The following ZYG11B variants were observed in gnomAD, a reference collection of about 807,000 sequenced individuals.
ZYG11B encodes protein zyg-11 homolog B.
ZYG11B carries 36 observed loss-of-function variants against 82.4 expected under a neutral mutation model. That is an observed-to-expected ratio of 0.44 (90% CI 0.33 to 0.58). The LOEUF is 0.58. Among genes scored for constraint, ZYG11B ranks in the 20% least tolerant of loss-of-function variants. The pLI is 0.02. For synonymous variants in ZYG11B, 303 were observed against 312.8 expected (o/e 0.97, Z 0.33); for missense variants, 552 against 895.6 (o/e 0.62, Z 4.90).
At chr1:52,817,777 G>GTGTATGTATATATA (rs1352242565) in intron 13 of ZYG11B, among the ~76,000 whole-genome samples, 3 of 41,542 alleles carry the variant, frequency 7.2e-5, no homozygotes, top group African/African-American at 3.7e-4. Context: ...ATATATATGT[G>GTGTATGTATATATA]TATATATATA....
chr1:52,816,638 CAA>C lies in ZYG11B; in HGVS notation c.2044+17_2044+18del. 2.6e-6 allele frequency: 4 copies of C among 1,545,448 alleles called. No individual in the cohort carries two copies. The highest frequency in any genetic ancestry group is 3.5e-6 in the Non-Finnish European group (4 of 1,138,062). ...TGTCTGCAGCAAGAATCGTATGTAC[CAA>C]AAAAAAAGAACTGTGTTTTTTTTCT... On this transcript the variant is annotated intron_variant, in intron 13 of 13. Transcript: ENST00000294353.
At chr1:52,774,773 C>A (rs377667806) in intron 3 of ZYG11B, among the ~76,000 whole-genome samples, 41 of 151,948 alleles carry the variant, frequency 2.7e-4, no homozygotes, top group Admixed American at 8.5e-4. Flanking sequence ...CAGTATTTCC[C>A]CACTCGATTT....
intron 1 of ZYG11B, among the ~76,000 whole-genome samples, chr1:52,743,603 A>G (rs1266700287): frequency 6.6e-6 from 1 of 152,040 alleles, no homozygotes; most frequent in African/African-American, 2.4e-5. Flanking sequence ...AGTCCCACGT[A>G]TTATTCCAAA....
intron 3 of ZYG11B, among the ~76,000 whole-genome samples, chr1:52,774,152 TC>T (rs970640181): frequency 6.9e-6 from 1 of 144,488 alleles, no homozygotes; most frequent in East Asian, 2.1e-4. Context: ...TTTTTTTTTT[TC>T]CTCAGAGGCA....
At chr1:52,737,082 A>G (rs371884243) in intron 1 of ZYG11B, among the ~76,000 whole-genome samples, 33 of 151,596 alleles carry the variant, frequency 2.2e-4, no homozygotes, top group African/African-American at 7.5e-4. Flanking sequence ...GGGTTTCACC[A>G]TGTTAGCCAG....
chr1:52,740,382 T>TA, intron 1 of ZYG11B, among the ~76,000 whole-genome samples: 1 of 152,304 alleles, frequency 6.6e-6, no homozygotes, highest in Non-Finnish European at 1.5e-5. Context: ...CTTAAAGTGA[T>TA]ATGTGCAAGA....
intron 1 of ZYG11B, among the ~76,000 whole-genome samples, chr1:52,741,534 G>A (rs1297926698): frequency 6.6e-6 from 1 of 152,078 alleles, no homozygotes; most frequent in Non-Finnish European, 1.5e-5. Context: ...TTTCTCTAGA[G>A]GCAAATGTGT....
At chr1:52,737,153 A>G (rs969720104) in intron 1 of ZYG11B, among the ~76,000 whole-genome samples, 2 of 152,158 alleles carry the variant, frequency 1.3e-5, no homozygotes, top group Non-Finnish European at 1.5e-5. Context: ...AAGTGCTGGC[A>G]TTACAGGCGT....
At chr1:52,773,485 A>G (rs1644772667) in intron 3 of ZYG11B, among the ~76,000 whole-genome samples, 1 of 149,508 alleles carries the variant, frequency 6.7e-6, no homozygotes, top group Non-Finnish European at 1.5e-5. Flanking sequence ...GAAAAAAAAA[A>G]AAAAGAAAAT....
intron 6 of ZYG11B, among the ~76,000 whole-genome samples, chr1:52,790,773 C>CT: frequency 0.042 from 3,260 of 77,632 alleles, 288 homozygotes; most frequent in African/African-American, 0.14. Context: ...GTCCAGTGTT[C>CT]TTTTTTTTTT....
In ZYG11B at chr1:52,783,650, C is replaced by G. The variant is rs534222838; in HGVS notation, c.1093-1227C>G. ...TTTCTCTTTTCCTTAGAGGCAGGGT[C>G]TCACTCTGTCCCCCAGGCAGAAGTG... On this transcript the variant is annotated intron_variant, in intron 4 of 13. Transcript: ENST00000294353. 2.9e-3 allele frequency among the ~76,000 whole-genome samples: 408 copies of G among 142,236 alleles called. 3 individuals are homozygous for G. The highest frequency in any genetic ancestry group is 0.01 in the African/African-American group (388 of 38,160). 93.3% of individuals were successfully genotyped at this position (142,236 alleles called of 152,430 possible). A position where few individuals can be genotyped will look rare whatever the true frequency, so the allele number is the denominator to read the frequency against.
intron 10 of ZYG11B, 92 bp downstream of exon 10, chr1:52,802,231 A>G (rs1645080799): frequency 2.4e-6 from 3 of 1,227,298 alleles, no homozygotes; most frequent in Non-Finnish European, 3.5e-6. Flanking sequence ...CAGTGGCAGT[A>G]TCATAGCCCC....
chr1:52,746,907 T>A (rs6676421), intron 1 of ZYG11B, among the ~76,000 whole-genome samples: 143,617 of 145,792 alleles, frequency 0.99, 70,780 homozygotes, highest in Middle Eastern at 1. Context: ...GTAAGGTCTT[T>A]ACTCCCCCCT....
intron 3 of ZYG11B, among the ~76,000 whole-genome samples, chr1:52,776,650 G>A (rs1224165339): frequency 3.9e-5 from 6 of 151,958 alleles, no homozygotes; most frequent in African/African-American, 1.4e-4. Context: ...TTATAAAGCT[G>A]TTGGAACCAA....
chr1:52,764,819 A>G (rs761639219), intron 2 of ZYG11B, among the ~76,000 whole-genome samples: 2 of 152,282 alleles, frequency 1.3e-5, no homozygotes, highest in Middle Eastern at 6.8e-3. Flanking sequence ...TGGTGATACT[A>G]GACTGAGACC....
intron 13 of ZYG11B, among the ~76,000 whole-genome samples, chr1:52,817,777 G>GTATATATATATATATATA (rs869260265): frequency 7.2e-5 from 3 of 41,538 alleles, no homozygotes; most frequent in Non-Finnish European, 1.2e-4. Flanking sequence ...ATATATATGT[G>GTATATATATATATATATA]TATATATATA....
In ZYG11B at chr1:52,771,149, A is replaced by C; in HGVS notation, c.326A>C (p.Glu109Ala). The change falls in exon 3 of 14, where the codon GAA becomes GCA. Residue 109 changes from glutamate (E) to alanine (A), a missense_variant. Coordinates refer to ENST00000294353, the MANE Select transcript of ZYG11B (RefSeq NM_024646.3). The surrounding 1 kb of genome is among the most constrained non-coding windows in gnomAD (Gnocchi z 5.4). ...GCTTTCTGCCACCACAAGTTAGTGG[A>C]ACTTGATGCCACAGGTGTGAATGCT... is the stretch of plus-strand genomic sequence containing the variant. ...RKAFCHHKLV[E>A]LDATGVNADI... 1.2e-6 allele frequency: 2 copies of C among 1,614,242 alleles called. No homozygotes were observed. Among genetic ancestry groups the C allele is most frequent in the Non-Finnish European group, 1.7e-6 (2 of 1,180,048 alleles).
chr1:52,807,819 C>T (rs1250328639), intron 10 of ZYG11B, among the ~76,000 whole-genome samples: 8 of 152,112 alleles, frequency 5.3e-5, no homozygotes. Context: ...AAAAGACATC[C>T]TTTAACATTT....
intron 6 of ZYG11B, among the ~76,000 whole-genome samples, chr1:52,795,632 T>C (rs765784407): frequency 3.9e-5 from 6 of 152,184 alleles, no homozygotes; most frequent in South Asian, 2.1e-4. Context: ...AATGCCCATA[T>C]GGTTCTTTCT....
Sources: allele counts gnomAD v4.1 joint callset (sites outside exome capture counted in the v4.1 genomes callset), GRCh38; gene constraint gnomAD v4.1.1; non-coding constraint Gnocchi (gnomAD v3.1); transcripts MANE v1.5; gene names NCBI Gene and HGNC (gene_info 2026-07-23, HGNC 2026-07-21).